PLEKHD1: variants seen among roughly 807,000 people sequenced by gnomAD.
PLEKHD1 encodes the protein pleckstrin homology and coiled-coil domain containing D1.
In PLEKHD1, 51 loss-of-function variants were observed where a neutral mutation model predicts 69.2. That is an observed-to-expected ratio of 0.74 (90% CI 0.59 to 0.93). PLEKHD1 has a LOEUF of 0.93. Ranked by LOEUF, PLEKHD1 falls within the 40% of genes least tolerant of loss-of-function variation. The pLI, the probability that PLEKHD1 is intolerant of heterozygous loss-of-function variation, is 0.00. For synonymous variants in PLEKHD1, 236 were observed against 244.7 expected (o/e 0.96, Z 0.33); for missense variants, 584 against 641.0 (o/e 0.91, Z 0.96).
At chr14:69,509,898 A>T (rs939177943) in intron 6 of PLEKHD1, among the ~76,000 whole-genome samples, 2 of 151,778 alleles carry the variant, frequency 1.3e-5, no homozygotes, top group African/African-American at 4.8e-5. Flanking sequence ...AGATCACACC[A>T]CTGCACCCCA....
chr14:69,481,799 G>A (rs114132401), upstream of PLEKHD1, among the ~76,000 whole-genome samples: 342 of 152,280 alleles, frequency 2.2e-3, 2 homozygotes, highest in African/African-American at 7.9e-3. Context: ...GCAGTGTAGG[G>A]CACTTAGGGA....
the PLEKHD1 span, among the ~76,000 whole-genome samples, chr14:69,475,682 A>C: frequency 2.0e-5 from 3 of 152,138 alleles, no homozygotes; most frequent in Non-Finnish European, 2.9e-5. Context: ...GAGGCTTCCC[A>C]CAGGGGCCCC....
In PLEKHD1 at chr14:69,500,576, G is replaced by T. The variant is rs1218438154; in HGVS notation, c.244-1G>T. ...GGCTGCCTGTTCTGGTTCTTCCTCA[G>T]GGCGTCATCCCTCTGGGGGGCTGCC... On this transcript the variant is annotated splice_acceptor_variant, in intron 2 of 12. Coordinates refer to ENST00000322564, the MANE Select transcript of PLEKHD1 (RefSeq NM_001161498.2). LOFTEE classifies it high-confidence loss of function. 1 of 1,547,706 alleles carries T rather than the reference G, an allele frequency of 6.5e-7. No homozygotes were observed. The highest frequency in any genetic ancestry group is 1.4e-5 in the African/African-American group (1 of 72,946).
intron 4 of PLEKHD1, 188 bp from the exon 5 acceptor site, chr14:69,501,546 G>T (rs555386829): frequency 2.0e-6 from 1 of 503,148 alleles, no homozygotes; most frequent in Non-Finnish European, 3.5e-6. Context: ...TCCAGCTACT[G>T]TAACTGATCC....
At chr14:69,485,136 A>G in intron 1 of PLEKHD1, 22 bp downstream of exon 1, 1 of 1,543,598 alleles carries the variant, frequency 6.5e-7, no homozygotes, top group South Asian at 1.2e-5. Flanking sequence ...CCCGCGCCCC[A>G]AGGAGACCGC....
At chr14:69,503,330 G>A in intron 6 of PLEKHD1, 1 of 198,776 alleles carries the variant, frequency 5.0e-6, no homozygotes, top group South Asian at 9.5e-5. Flanking sequence ...GAGGCAGACT[G>A]GAGGGTAAAG....
In PLEKHD1 at chr14:69,501,821, T is replaced by A. The variant is rs371367887; in HGVS notation, c.498T>A (p.Tyr166Ter). 8 of 1,550,460 alleles carry A rather than the reference T, an allele frequency of 5.2e-6. No individual in the cohort carries two copies. Among genetic ancestry groups the A allele is most frequent in the Non-Finnish European group, 6.1e-6 (7 of 1,146,240 alleles). Residue 166 changes from tyrosine to a stop codon, truncating the protein, a stop_gained, in exon 5 of 13, where the codon TAT becomes TAA. Transcript: ENST00000322564. LOFTEE classifies it high-confidence loss of function. ...GLQLAKEKQE[Y>*]LDKLMEETEE... is the part of the protein sequence containing the mutation. ...AGTTGGCTAAGGAAAAGCAGGAGTA[T>A]TTAGGTTGGCTGGAGGGGTGGTTCC...
the PLEKHD1 span, among the ~76,000 whole-genome samples, chr14:69,476,982 A>C: frequency 2.0e-5 from 3 of 149,370 alleles, no homozygotes; most frequent in African/African-American, 5.0e-5. Flanking sequence ...TGGGCGGGGA[A>C]ACTCCCCTTT....
chr14:69,492,655 T>G (rs1392610496), intron 1 of PLEKHD1, among the ~76,000 whole-genome samples: 1 of 152,240 alleles, frequency 6.6e-6, no homozygotes, highest in Non-Finnish European at 1.5e-5. Flanking sequence ...TATGCCCCAG[T>G]TTCCTCACCT....
chr14:69,497,058 C>A (rs953245508), intron 1 of PLEKHD1, among the ~76,000 whole-genome samples: 7 of 152,146 alleles, frequency 4.6e-5, no homozygotes, highest in African/African-American at 1.7e-4. Flanking sequence ...GCCCTGGAGA[C>A]AGTCGTGTGC....
chr14:69,483,327 G>C (rs1467081841), upstream of PLEKHD1, among the ~76,000 whole-genome samples: 1 of 151,816 alleles, frequency 6.6e-6, no homozygotes, highest in Admixed American at 6.6e-5. Flanking sequence ...TCTAGTGGGC[G>C]TCACACATCC....
chr14:69,517,501 T>G lies in PLEKHD1; in HGVS notation c.556-4782T>G, dbSNP rs139885565. Among the ~76,000 whole-genome samples the G allele has an allele frequency of 1.6e-3, 237 of 152,206 alleles. 2 individuals carry two copies. The highest frequency in any genetic ancestry group is 5.4e-3 in the African/African-American group (224 of 41,516). On this transcript the variant is annotated intron_variant, in intron 6 of 12. Coordinates refer to ENST00000322564, the MANE Select transcript of PLEKHD1 (RefSeq NM_001161498.2). ...GGAGTAGGAGTGGTCTAGATTGCCT[T>G]GGATCTAGCGCAGACAGAGAGAGGG...
upstream of PLEKHD1, among the ~76,000 whole-genome samples, chr14:69,481,911 T>TG (rs1433878414): frequency 6.6e-6 from 1 of 152,172 alleles, no homozygotes; most frequent in Non-Finnish European, 1.5e-5. Context: ...TGGCTTGTTC[T>TG]GTCTTCTGTA....
intron 1 of PLEKHD1, among the ~76,000 whole-genome samples, chr14:69,494,355 C>T (rs1413252855): frequency 1.3e-5 from 2 of 152,190 alleles, no homozygotes; most frequent in African/African-American, 4.8e-5. Flanking sequence ...AACTTACAGC[C>T]TCTGGCCCAT....
chr14:69,487,641 G>A (rs562410068), intron 1 of PLEKHD1, among the ~76,000 whole-genome samples: 51 of 152,340 alleles, frequency 3.3e-4, no homozygotes, highest in African/African-American at 7.2e-4. Context: ...GGGTGGGAAG[G>A]TGCCCTTGAG....
At chr14:69,483,448 T>G (rs2139486292), upstream of PLEKHD1, among the ~76,000 whole-genome samples, 1 of 152,110 alleles carries the variant, frequency 6.6e-6, no homozygotes, top group East Asian at 1.9e-4. Context: ...GCAGAGGTGG[T>G]AAGAATGATA....
Position 69,528,430 on chromosome 14 carries a change from T to A in PLEKHD1, c.*11T>A, listed in dbSNP as rs1407002429. The A allele has an allele frequency of 1.4e-5, 21 of 1,548,486 alleles. No homozygotes were observed. The highest frequency in any genetic ancestry group is 1.8e-5 in the Non-Finnish European group (21 of 1,146,416). On this transcript the variant is annotated 3_prime_UTR_variant, in exon 13 of 13. Coordinates refer to ENST00000322564, the MANE Select transcript of PLEKHD1 (RefSeq NM_001161498.2). ...CGGGGTGGAAAGTGATGGGCGCTCC[T>A]CCCCTGCTTCCCAAGTCTCCCCTGG... is the stretch of plus-strand genomic sequence containing the variant.
chr14:69,500,320 T>A, intron 2 of PLEKHD1, 112 bp downstream of exon 2: 1 of 958,102 alleles, frequency 1.0e-6, no homozygotes. Context: ...GCAGAGAGTC[T>A]GGAGAGCAAA....
intron 6 of PLEKHD1, among the ~76,000 whole-genome samples, chr14:69,505,590 A>G (rs780672745): frequency 3.9e-5 from 6 of 152,234 alleles, no homozygotes; most frequent in Non-Finnish European, 5.9e-5. Context: ...TGGGCATGTC[A>G]GTTACCCTCT....
Sources: allele counts gnomAD v4.1 joint callset (sites outside exome capture counted in the v4.1 genomes callset), GRCh38; gene constraint gnomAD v4.1.1; transcripts MANE v1.5; gene names NCBI Gene and HGNC (gene_info 2026-07-23, HGNC 2026-07-21).